The following TMEM132D variants were observed in gnomAD, a reference collection of about 807,000 sequenced individuals.
TMEM132D encodes transmembrane protein 132D.
A neutral mutation model predicts 62.3 loss-of-function variants in TMEM132D; 21 were observed. The ratio of observed to expected loss-of-function variants is 0.34; its 90% confidence interval spans 0.24 to 0.49. The LOEUF (loss-of-function observed/expected upper bound fraction) is 0.49. TMEM132D is among the 20% of genes least tolerant of loss of function. The probability of loss-of-function intolerance (pLI) is 0.99; values close to 1 mark genes in which losing one functional copy is unlikely to be tolerated. For synonymous variants in TMEM132D, 621 were observed against 575.6 expected, an observed-to-expected ratio of 1.08 and a Z score of -1.13; for missense variants, 1,346 against 1,402.8, an observed-to-expected ratio of 0.96 and a Z score of 0.65.
intron 2 of TMEM132D, among the ~76,000 whole-genome samples, chr12:129,604,767 T>C (rs1878571677): frequency 6.6e-6 from 1 of 152,236 alleles, no homozygotes; most frequent in Non-Finnish European, 1.5e-5. Flanking sequence ...ATTATCATTA[T>C]CGTTATCTAA....
intron 5 of TMEM132D, among the ~76,000 whole-genome samples, chr12:129,147,242 ATG>A (rs201807881): frequency 7.1e-6 from 1 of 140,532 alleles, no homozygotes; most frequent in African/African-American, 2.7e-5. Context: ...ATATATACAT[ATG>A]TTTATGTATA....
At chr12:129,180,984 GT>G (rs1565989294) in intron 5 of TMEM132D, among the ~76,000 whole-genome samples, 1 of 152,132 alleles carries the variant, frequency 6.6e-6, no homozygotes, top group Admixed American at 6.5e-5. Context: ...TTCGATGGAG[GT>G]TATGGGGCCA....
intron 4 of TMEM132D, among the ~76,000 whole-genome samples, chr12:129,269,944 G>A (rs1330360531): frequency 6.6e-6 from 1 of 152,166 alleles, no homozygotes; most frequent in East Asian, 1.9e-4. Context: ...AGGCAGTGAC[G>A]TGAACCTGAG....
chr12:129,261,797 C>G (rs184717104), intron 4 of TMEM132D, among the ~76,000 whole-genome samples: 3 of 152,066 alleles, frequency 2.0e-5, no homozygotes. Context: ...TTAGGGCATG[C>G]CAGTATGACC....
chr12:129,318,331 G>T (rs1868558936), intron 4 of TMEM132D, among the ~76,000 whole-genome samples: 1 of 152,144 alleles, frequency 6.6e-6, no homozygotes, highest in African/African-American at 2.4e-5. Context: ...TGTCCCATGG[G>T]GTAGTCCCTT....
At chr12:129,683,067 A>C (rs1033811081) in intron 2 of TMEM132D, 1 of 151,978 alleles carries the variant, frequency 6.6e-6, no homozygotes, top group Non-Finnish European at 1.5e-5. Context: ...ACCAAGCTTA[A>C]TCTTCAACAA....
chr12:129,570,452 T>C (rs192893570), intron 2 of TMEM132D, among the ~76,000 whole-genome samples: 8 of 152,290 alleles, frequency 5.3e-5, no homozygotes, highest in Middle Eastern at 3.4e-3. Context: ...CTGGGAAAGA[T>C]GAGGAGTAAG....
intron 4 of TMEM132D, among the ~76,000 whole-genome samples, chr12:129,246,564 T>G (rs1345441382): frequency 6.6e-6 from 1 of 152,148 alleles, no homozygotes; most frequent in Non-Finnish European, 1.5e-5. Flanking sequence ...GAGACCGGCC[T>G]GGCCAACATC....
At chr12:129,301,637 G>A (rs536642572) in intron 4 of TMEM132D, among the ~76,000 whole-genome samples, 11 of 152,190 alleles carry the variant, frequency 7.2e-5, no homozygotes, top group African/African-American at 1.4e-4. Flanking sequence ...AACCATGAGC[G>A]CAAAAGCTAA....
intron 2 of TMEM132D, among the ~76,000 whole-genome samples, chr12:129,595,881 C>T (rs948748039): frequency 2.6e-5 from 4 of 152,210 alleles, no homozygotes; most frequent in Admixed American, 2.0e-4. Context: ...TAGAGAAATG[C>T]TGATTTTTAT....
At chr12:129,487,618 G>A (rs1288896928) in intron 3 of TMEM132D, among the ~76,000 whole-genome samples, 1 of 151,954 alleles carries the variant, frequency 6.6e-6, no homozygotes, top group Non-Finnish European at 1.5e-5. Context: ...ATCTTAAGAG[G>A]TGGGGCCTTT....
At chr12:129,580,695 T>C (rs1165078607) in intron 2 of TMEM132D, among the ~76,000 whole-genome samples, 1 of 149,916 alleles carries the variant, frequency 6.7e-6, no homozygotes, top group Non-Finnish European at 1.5e-5. Flanking sequence ...AGGGTGATAA[T>C]CCATCTCAAA....
chr12:129,817,580 T>A (rs1872383840), intron 1 of TMEM132D, among the ~76,000 whole-genome samples: 2 of 120,314 alleles, frequency 1.7e-5, no homozygotes, highest in Non-Finnish European at 3.6e-5. Flanking sequence ...AATCACATCA[T>A]AAAGATAAGA....
intron 2 of TMEM132D, among the ~76,000 whole-genome samples, chr12:129,662,537 A>T (rs1050786025): frequency 2.0e-5 from 3 of 152,184 alleles, no homozygotes; most frequent in African/African-American, 7.2e-5. Flanking sequence ...GCTCACGCCC[A>T]TTATCCCAGC....
chr12:129,140,839 CA>C (rs62841262), intron 5 of TMEM132D, among the ~76,000 whole-genome samples: 6,570 of 134,770 alleles, frequency 0.049, 402 homozygotes, highest in African/African-American at 0.16. Flanking sequence ...AACTCTGTCT[CA>C]AAAAAAAAAA....
At chr12:129,365,102 C>A (rs1197490440) in intron 3 of TMEM132D, among the ~76,000 whole-genome samples, 1 of 152,128 alleles carries the variant, frequency 6.6e-6, no homozygotes. Flanking sequence ...CAGTATTGAG[C>A]TGATGGTGTT....
intron 5 of TMEM132D, among the ~76,000 whole-genome samples, chr12:129,171,178 A>G (rs1332563343): frequency 2.6e-5 from 4 of 152,228 alleles, no homozygotes; most frequent in East Asian, 1.9e-4. Context: ...CGTTCACAGT[A>G]TCTTCCCCAG....
chr12:129,437,221 C>A (rs1027954015), intron 3 of TMEM132D, among the ~76,000 whole-genome samples: 3 of 152,076 alleles, frequency 2.0e-5, no homozygotes, highest in Admixed American at 2.0e-4. Flanking sequence ...CTCTTTCTGC[C>A]AGTTGGGAAC....
intron 5 of TMEM132D, among the ~76,000 whole-genome samples, chr12:129,095,074 C>A (rs1419821658): frequency 6.6e-6 from 1 of 151,758 alleles, no homozygotes; most frequent in Non-Finnish European, 1.5e-5. Context: ...GGAGATATAT[C>A]TAATGCTAAA....
Sources: gnomAD v4.1 joint callset for allele counts (sites outside exome capture counted in the v4.1 genomes callset) on GRCh38, gnomAD v4.1.1 for gene constraint, MANE v1.5 for transcripts, NCBI Gene and HGNC (gene_info 2026-07-23, HGNC 2026-07-21) for gene names.